The following SYT1 variants were observed in gnomAD, a reference collection of about 807,000 sequenced individuals.
SYT1 encodes synaptotagmin-1.
Under a neutral mutation model 44.8 loss-of-function variants are expected in SYT1, and 8 were observed. The observed-to-expected ratio is 0.18, with a 90% CI of 0.10 to 0.32. SYT1 has a LOEUF of 0.32. Among genes scored for constraint, SYT1 ranks in the 10% least tolerant of loss-of-function variants. SYT1 has a pLI of 1.00. For synonymous variants in SYT1, 154 were observed against 188.8 expected (o/e 0.82, Z 1.51); for missense variants, 286 against 509.3 (o/e 0.56, Z 4.22).
intron 2 of SYT1, among the ~76,000 whole-genome samples, chr12:78,999,852 G>C (rs1042132960): frequency 6.6e-6 from 1 of 152,150 alleles, no homozygotes; most frequent in East Asian, 1.9e-4. Context: ...GAGAGAAAAC[G>C]TTCTAATCAC....
intron 3 of SYT1, among the ~76,000 whole-genome samples, chr12:79,088,608 A>C (rs535289021): frequency 6.6e-6 from 1 of 152,226 alleles, no homozygotes; most frequent in South Asian, 2.1e-4. Context: ...CAAAATTTTA[A>C]GCCAAGAAGG....
intron 3 of SYT1, among the ~76,000 whole-genome samples, chr12:79,084,949 G>C (rs917581023): frequency 6.6e-6 from 1 of 151,916 alleles, no homozygotes; most frequent in African/African-American, 2.4e-5. Context: ...TACATAAAGG[G>C]ATATCTTGGG....
intron 9 of SYT1, among the ~76,000 whole-genome samples, chr12:79,389,728 G>A (rs1401636951): frequency 6.6e-6 from 1 of 152,078 alleles, no homozygotes; most frequent in African/African-American, 2.4e-5. Flanking sequence ...AATGGTTGAG[G>A]AGATTCAACT....
intron 8 of SYT1, among the ~76,000 whole-genome samples, chr12:79,346,344 A>G (rs1882606052): frequency 6.6e-6 from 1 of 152,190 alleles, no homozygotes; most frequent in African/African-American, 2.4e-5. Context: ...GAAATTATCA[A>G]GCTGCTCAGA....
At chr12:79,120,948 T>TATAG (rs1486242880) in intron 3 of SYT1, among the ~76,000 whole-genome samples, 3 of 146,526 alleles carry the variant, frequency 2.0e-5, no homozygotes, top group Admixed American at 2.0e-4. Context: ...TCTATATATA[T>TATAG]ATATAGATAT....
intron 3 of SYT1, among the ~76,000 whole-genome samples, chr12:79,138,803 T>G (rs527364815): frequency 3.3e-5 from 5 of 152,334 alleles, no homozygotes; most frequent in African/African-American, 1.2e-4. Flanking sequence ...GTTAAATACC[T>G]TATATTTTGC....
chr12:79,444,045 T>TAAA (rs1489118257), intron 9 of SYT1, 28 bp from the exon 10 acceptor site: 5 of 1,611,064 alleles, frequency 3.1e-6, no homozygotes, highest in Non-Finnish European at 4.2e-6. Flanking sequence ...TCTGATCTCC[T>TAAA]AAAGTTTGTT....
intron 2 of SYT1, among the ~76,000 whole-genome samples, chr12:79,044,920 G>A (rs1476296046): frequency 6.6e-6 from 1 of 152,198 alleles, no homozygotes; most frequent in Non-Finnish European, 1.5e-5. Context: ...GCTGGGGGGT[G>A]CCTCCCAGTT....
intron 2 of SYT1, among the ~76,000 whole-genome samples, chr12:78,987,078 T>C (rs977088593): frequency 6.6e-6 from 1 of 152,072 alleles, no homozygotes; most frequent in African/African-American, 2.4e-5. Flanking sequence ...AAATTTCAGA[T>C]GCTTCCATCG....
At chr12:79,204,382 G>A (rs975659895) in intron 3 of SYT1, among the ~76,000 whole-genome samples, 4 of 152,226 alleles carry the variant, frequency 2.6e-5, no homozygotes, top group Non-Finnish European at 5.9e-5. Context: ...AACACAGTGT[G>A]ATAAAAGAGG....
intron 1 of SYT1, among the ~76,000 whole-genome samples, chr12:78,883,451 T>C (rs1874571594): frequency 6.6e-6 from 1 of 151,706 alleles, no homozygotes; most frequent in African/African-American, 2.4e-5. Flanking sequence ...CATGAACTGA[T>C]ATTAGATGTA....
At chr12:79,115,895 G>A (rs1473154552) in intron 3 of SYT1, among the ~76,000 whole-genome samples, 3 of 152,124 alleles carry the variant, frequency 2.0e-5, no homozygotes, top group African/African-American at 7.2e-5. Flanking sequence ...ACATTAGCCT[G>A]TCAATCAAAT....
chr12:79,404,469 G>A (rs1885175915), intron 9 of SYT1, among the ~76,000 whole-genome samples: 1 of 152,084 alleles, frequency 6.6e-6, no homozygotes, highest in South Asian at 2.1e-4. Flanking sequence ...CAGTACACAG[G>A]AGCAAGAAGT....
chr12:79,412,812 A>C (rs938871800), intron 9 of SYT1, among the ~76,000 whole-genome samples: 3 of 152,228 alleles, frequency 2.0e-5, no homozygotes, highest in South Asian at 2.1e-4. Context: ...TTGTTACCCT[A>C]CTATCTGAGT....
chr12:79,274,140 C>T (rs911049706), intron 4 of SYT1, among the ~76,000 whole-genome samples: 4 of 152,174 alleles, frequency 2.6e-5, no homozygotes, highest in African/African-American at 7.2e-5. Context: ...GATCTAATCT[C>T]AAGTGGGGAT....
intron 4 of SYT1, among the ~76,000 whole-genome samples, chr12:79,283,816 G>C (rs1464636353): frequency 6.6e-6 from 1 of 151,458 alleles, no homozygotes; most frequent in African/African-American, 2.4e-5. Flanking sequence ...TGTCACATAA[G>C]TATTTCTTTG....
chr12:78,973,427 A>T (rs1868517857), intron 1 of SYT1, among the ~76,000 whole-genome samples: 1 of 152,106 alleles, frequency 6.6e-6, no homozygotes, highest in Admixed American at 6.6e-5. Flanking sequence ...AGGCCCTGAT[A>T]ACCGCCATTC....
intron 10 of SYT1, among the ~76,000 whole-genome samples, chr12:79,448,413 G>T (rs1870852721): frequency 6.6e-6 from 1 of 152,004 alleles, no homozygotes; most frequent in Non-Finnish European, 1.5e-5. Context: ...TTTGTAACAT[G>T]CTGTCCCCCC....
At chr12:79,281,805 A>T (rs1879066427) in intron 4 of SYT1, among the ~76,000 whole-genome samples, 1 of 152,192 alleles carries the variant, frequency 6.6e-6, no homozygotes, top group Non-Finnish European at 1.5e-5. Context: ...TATTGTTGCT[A>T]TAATGAATTA....
Sources: gnomAD v4.1 joint callset for allele counts (sites outside exome capture counted in the v4.1 genomes callset) on GRCh38, gnomAD v4.1.1 for gene constraint, MANE v1.5 for transcripts, NCBI Gene and HGNC (gene_info 2026-07-23, HGNC 2026-07-21) for gene names.